BNC2: variants seen among roughly 807,000 people sequenced by gnomAD.
BNC2 encodes the protein zinc finger protein basonuclin-2.
In BNC2, 20 loss-of-function variants were observed where a neutral mutation model predicts 76.3. That is an observed-to-expected ratio of 0.26 (90% confidence interval 0.18 to 0.38). The LOEUF is 0.38. BNC2 is among the 10% of genes least tolerant of loss of function. The pLI, the probability that BNC2 is intolerant of heterozygous loss-of-function variation, is 1.00. For missense variants in BNC2, 1,382 were observed against 1,399.8 expected (o/e 0.99, Z 0.20); for synonymous variants, 582 against 514.8 (o/e 1.13, Z -1.77).
At chr9:16,661,542 T>C (rs1822111403) in intron 3 of BNC2, among the ~76,000 whole-genome samples, 1 of 152,184 alleles carries the variant, frequency 6.6e-6, no homozygotes, top group Non-Finnish European at 1.5e-5. Context: ...CATTAAAGTT[T>C]AGTGTTATCA....
chr9:16,810,374 C>T (rs1818016284), intron 1 of BNC2, among the ~76,000 whole-genome samples: 1 of 152,142 alleles, frequency 6.6e-6, no homozygotes, highest in Admixed American at 6.5e-5. Flanking sequence ...ACCAAGGAGT[C>T]GTGAAAAGAC....
At chr9:16,736,915 T>C (rs1301567089) in intron 2 of BNC2, among the ~76,000 whole-genome samples, 1 of 152,082 alleles carries the variant, frequency 6.6e-6, no homozygotes, top group Admixed American at 6.5e-5. Context: ...CAAGCAATTC[T>C]ACTGCCCCAG....
intron 3 of BNC2, chr9:16,685,459 G>C (rs757093294): frequency 2.4e-5 from 18 of 753,972 alleles, no homozygotes; most frequent in Non-Finnish European, 3.7e-5. Context: ...GTCTTTTCCT[G>C]ATGACGCTGA....
At chr9:16,490,236 T>C (rs572696794) in intron 5 of BNC2, among the ~76,000 whole-genome samples, 2 of 152,242 alleles carry the variant, frequency 1.3e-5, no homozygotes, top group South Asian at 4.1e-4. Flanking sequence ...CTCAGAATCA[T>C]GGTGGGAGGT....
At chr9:16,541,113 T>C (rs996710631) in intron 5 of BNC2, among the ~76,000 whole-genome samples, 11 of 152,190 alleles carry the variant, frequency 7.2e-5, no homozygotes, top group African/African-American at 2.2e-4. Flanking sequence ...TCCAAATGTC[T>C]TGTACTGCTC....
intron 6 of BNC2, among the ~76,000 whole-genome samples, chr9:16,434,470 T>C (rs573707223): frequency 6.6e-6 from 1 of 152,310 alleles, no homozygotes; most frequent in South Asian, 2.1e-4. Flanking sequence ...AAATTTTCTC[T>C]AAAATATTTT....
At chr9:16,680,587 A>AT (rs987966063) in intron 3 of BNC2, among the ~76,000 whole-genome samples, 1 of 151,736 alleles carries the variant, frequency 6.6e-6, no homozygotes, top group African/African-American at 2.4e-5. Flanking sequence ...AAAAAAAAAA[A>AT]CGTTGATCTT....
intron 5 of BNC2, among the ~76,000 whole-genome samples, chr9:16,454,238 A>G (rs1821400678): frequency 6.6e-6 from 1 of 152,164 alleles, no homozygotes; most frequent in South Asian, 2.1e-4. Context: ...TCTGTAAAAT[A>G]CACATCTTTC....
rs115145114 is a variant in BNC2, at chr9:16,777,208, A to G, written c.4-38723T>C. 3.4e-3 allele frequency among the ~76,000 whole-genome samples: 516 copies of G among 152,280 alleles called. 2 individuals are homozygous for G. The highest frequency in any genetic ancestry group is 0.012 in the African/African-American group (479 of 41,562). On this transcript the variant is annotated intron_variant, in intron 1 of 6. Coordinates refer to ENST00000380672, the MANE Select transcript of BNC2 (RefSeq NM_017637.6). Reference sequence around the variant, plus strand: ...ACGATAGGACAGTGGTTTGGGGCAGACAAAGGCAAGAAGAGTCTTAGCCAA... The same window carrying G: ...ACGATAGGACAGTGGTTTGGGGCAGGCAAAGGCAAGAAGAGTCTTAGCCAA...
At chr9:16,643,299 C>A (rs1821539761) in intron 3 of BNC2, among the ~76,000 whole-genome samples, 1 of 108,988 alleles carries the variant, frequency 9.2e-6, no homozygotes, top group African/African-American at 4.3e-5. Flanking sequence ...GAGCAAGACT[C>A]TGTCTCAAAA....
chr9:16,727,501 G>C (rs1824374450), intron 3 of BNC2: 2 of 342,176 alleles, frequency 5.8e-6, no homozygotes, highest in Non-Finnish European at 1.1e-5. Flanking sequence ...AGAAAACAAA[G>C]AAATAAATTA....
intron 1 of BNC2, among the ~76,000 whole-genome samples, chr9:16,787,522 A>T (rs1490618401): frequency 6.6e-6 from 1 of 152,126 alleles, no homozygotes; most frequent in African/African-American, 2.4e-5. Context: ...CTTGTAAGAG[A>T]CAAGAATGAC....
At position 16,563,826 on chromosome 9, in the gene BNC2, C is replaced by T. The variant is rs116605541; in HGVS notation, c.434-11061G>A. ...TCTGAGAAGAAAAAAATTTATAGTC[C>T]CAACTATTTCACCGGCAGATACTTC... On this transcript the variant is annotated intron_variant, in intron 4 of 6. Coordinates refer to ENST00000380672, the MANE Select transcript of BNC2 (RefSeq NM_017637.6). Among the ~76,000 whole-genome samples, 1,055 of 152,072 alleles carry T rather than the reference C, an allele frequency of 6.9e-3. 12 individuals are homozygous for T. The highest frequency in any genetic ancestry group is 0.024 in the African/African-American group (1,014 of 41,474).
At chr9:16,669,856 C>G (rs1255504921) in intron 3 of BNC2, among the ~76,000 whole-genome samples, 1 of 152,184 alleles carries the variant, frequency 6.6e-6, no homozygotes, top group African/African-American at 2.4e-5. Context: ...GAAACTTGAA[C>G]TGCAGCTTAG....
At chr9:16,494,119 A>G (rs1024521478) in intron 5 of BNC2, among the ~76,000 whole-genome samples, 38 of 152,192 alleles carry the variant, frequency 2.5e-4, no homozygotes, top group African/African-American at 8.9e-4. Context: ...AAACAGACAC[A>G]CTAAATAAAA....
At chr9:16,701,131 G>C (rs1056089036) in intron 3 of BNC2, among the ~76,000 whole-genome samples, 26 of 152,230 alleles carry the variant, frequency 1.7e-4, no homozygotes, top group African/African-American at 5.5e-4. Flanking sequence ...GGATCCCTAG[G>C]AGAGGCTTAA....
intron 3 of BNC2, among the ~76,000 whole-genome samples, chr9:16,605,728 CAG>C (rs1820364488): frequency 1.3e-5 from 2 of 150,494 alleles, no homozygotes; most frequent in South Asian, 4.2e-4. Flanking sequence ...TCTTAGAGTT[CAG>C]AGTCTGTGAT....
chr9:16,579,195 T>G (rs1819562888), intron 4 of BNC2, among the ~76,000 whole-genome samples: 1 of 152,194 alleles, frequency 6.6e-6, no homozygotes, highest in African/African-American at 2.4e-5. Flanking sequence ...AAGAAAATAC[T>G]CTGTGAAAAG....
rs756982051 is a variant in BNC2 at position 16,435,832 on chromosome 9, T to C, written c.2362A>G (p.Met788Val). ...CCATTGTACAGTCCATACTGGCTCATGTAAAACATGTCGTAAGTGGGGTCT... is the reference window on the plus strand; with the variant it reads ...CCATTGTACAGTCCATACTGGCTCACGTAAAACATGTCGTAAGTGGGGTCT... ...FTDPTYDMFY[M>V]SQYGLYNGGG... The change falls in exon 6 of 7, where the codon ATG becomes GTG. Residue 788 changes from methionine to valine, a missense_variant. By Grantham distance (21) the Met-to-Val change is conservative. Coordinates refer to ENST00000380672, the MANE Select transcript of BNC2 (RefSeq NM_017637.6). 14 of 1,613,964 alleles carry C rather than the reference T, an allele frequency of 8.7e-6. No homozygotes were observed. The South Asian group carries it at 9.9e-5, about 11-fold the overall frequency.
Sources: allele counts gnomAD v4.1 joint callset (sites outside exome capture counted in the v4.1 genomes callset), GRCh38; gene constraint gnomAD v4.1.1; transcripts MANE v1.5; gene names NCBI Gene and HGNC (gene_info 2026-07-23, HGNC 2026-07-21).